Variants in MARCHF1 observed in about 807,000 individuals in gnomAD.
The protein encoded by MARCHF1 is membrane associated ring-CH-type finger 1.
A neutral mutation model predicts 54.2 loss-of-function variants in MARCHF1; 40 were observed. The observed-to-expected ratio is 0.74, with a 90% CI of 0.57 to 0.96. The LOEUF (loss-of-function observed/expected upper bound fraction) is 0.96, where lower values mean the gene tolerates loss of function less well. MARCHF1 is among the 40% of genes least tolerant of loss of function. The probability of loss-of-function intolerance (pLI) is 0.00; values close to 1 mark genes in which losing one functional copy is unlikely to be tolerated. For missense variants in MARCHF1, 586 were observed against 656.5 expected (o/e 0.89, Z 1.17); for synonymous variants, 236 against 236.3 (o/e 1.00, Z 0.01).
intron 1 of MARCHF1, among the ~76,000 whole-genome samples, chr4:164,295,365 T>C (rs540951559): frequency 2.0e-5 from 3 of 152,166 alleles, no homozygotes; most frequent in African/African-American, 7.2e-5. Context: ...CAAGGGCTTT[T>C]AGCTCAAAAT....
intron 1 of MARCHF1, among the ~76,000 whole-genome samples, chr4:164,315,689 T>A (rs1212150593): frequency 6.6e-6 from 1 of 152,142 alleles, no homozygotes; most frequent in Non-Finnish European, 1.5e-5. Context: ...CTCAAGAAAT[T>A]CTGTTTTTCA....
intron 4 of MARCHF1, among the ~76,000 whole-genome samples, chr4:163,822,672 A>G (rs1297002525): frequency 6.6e-6 from 1 of 151,952 alleles, no homozygotes; most frequent in Non-Finnish European, 1.5e-5. Flanking sequence ...ACAGTCATAC[A>G]ATCAAATAGG....
intron 1 of MARCHF1, among the ~76,000 whole-genome samples, chr4:164,143,416 CAG>C (rs1232344103): frequency 1.3e-5 from 2 of 149,506 alleles, no homozygotes. Flanking sequence ...TAAGGGCAGC[CAG>C]AGAGAAAGGT....
chr4:163,683,077 A>T (rs74347486), intron 5 of MARCHF1, among the ~76,000 whole-genome samples: 3,687 of 152,300 alleles, frequency 0.024, 51 homozygotes, highest in Non-Finnish European at 0.036. Flanking sequence ...TCTACTTTGC[A>T]TAGAGGTGCC....
At chr4:163,968,572 A>C (rs1245199874) in intron 3 of MARCHF1, among the ~76,000 whole-genome samples, 1 of 152,094 alleles carries the variant, frequency 6.6e-6, no homozygotes, top group Non-Finnish European at 1.5e-5. Flanking sequence ...ACACCATTAT[A>C]CCTCACCAGT....
chr4:163,543,234 G>A (rs910871652), intron 9 of MARCHF1, among the ~76,000 whole-genome samples: 1 of 152,120 alleles, frequency 6.6e-6, no homozygotes, highest in Non-Finnish European at 1.5e-5. Flanking sequence ...GTCTAGTCAA[G>A]AAGCTTCTGC....
intron 4 of MARCHF1, among the ~76,000 whole-genome samples, chr4:163,701,946 G>A (rs1430028361): frequency 6.6e-6 from 1 of 152,004 alleles, no homozygotes; most frequent in African/African-American, 2.4e-5. Context: ...AACAACCCGT[G>A]GGGCTGAAAT....
chr4:164,369,650 C>T (rs543438309), intron 1 of MARCHF1, among the ~76,000 whole-genome samples: 10 of 152,138 alleles, frequency 6.6e-5, no homozygotes, highest in East Asian at 3.9e-4. Context: ...TATGTACTTA[C>T]GTACTATAAT....
At chr4:163,819,313 C>G in intron 4 of MARCHF1, among the ~76,000 whole-genome samples, 1 of 152,214 alleles carries the variant, frequency 6.6e-6, no homozygotes, top group East Asian at 1.9e-4. Flanking sequence ...TAATAACATA[C>G]TTTGTGATGT....
intron 5 of MARCHF1, among the ~76,000 whole-genome samples, chr4:163,650,572 C>T (rs189805162): frequency 6.6e-4 from 101 of 152,026 alleles, no homozygotes; most frequent in African/African-American, 2.3e-3. Context: ...AGTACATGTA[C>T]TATGTTAGTT....
At chr4:163,754,435 T>C (rs995134781) in intron 4 of MARCHF1, among the ~76,000 whole-genome samples, 4 of 152,156 alleles carry the variant, frequency 2.6e-5, no homozygotes, top group African/African-American at 4.8e-5. Context: ...ACCTATTACA[T>C]AGGGTGAAAT....
chr4:164,147,772 T>C (rs1560927420), intron 1 of MARCHF1, among the ~76,000 whole-genome samples: 1 of 149,434 alleles, frequency 6.7e-6, no homozygotes, highest in Non-Finnish European at 1.5e-5. Context: ...TGTATACAAA[T>C]GTAACTAACC....
At chr4:164,325,468 T>G (rs114152894) in intron 1 of MARCHF1, among the ~76,000 whole-genome samples, 4 of 151,868 alleles carry the variant, frequency 2.6e-5, no homozygotes, top group African/African-American at 9.7e-5. Context: ...AAGTATTAAG[T>G]TGGAACCCTT....
chr4:163,876,182 T>C (rs1268884069), intron 3 of MARCHF1, among the ~76,000 whole-genome samples: 2 of 152,160 alleles, frequency 1.3e-5, no homozygotes, highest in Non-Finnish European at 2.9e-5. Context: ...ATTCAGACTT[T>C]ATTTTCAATA....
At chr4:163,725,266 A>G (rs1053969455) in intron 4 of MARCHF1, among the ~76,000 whole-genome samples, 1 of 152,294 alleles carries the variant, frequency 6.6e-6, no homozygotes, top group Admixed American at 6.5e-5. Context: ...AAGGGGTAAT[A>G]AAAGTAGTGG....
intron 4 of MARCHF1, among the ~76,000 whole-genome samples, chr4:163,785,252 G>A (rs1488967336): frequency 1.3e-5 from 2 of 152,028 alleles, no homozygotes; most frequent in South Asian, 4.1e-4. Context: ...AGAAAAAAAT[G>A]ACACAAATTG....
At chr4:164,017,291 T>C (rs1489029809) in intron 2 of MARCHF1, among the ~76,000 whole-genome samples, 3 of 152,028 alleles carry the variant, frequency 2.0e-5, no homozygotes, top group East Asian at 3.9e-4. Context: ...CTAGTTAATA[T>C]TGAATTAGGG....
chr4:163,834,716 A>C (rs910393043), intron 4 of MARCHF1, among the ~76,000 whole-genome samples: 2 of 150,992 alleles, frequency 1.3e-5, no homozygotes, highest in Non-Finnish European at 2.9e-5. Context: ...CAAACACCGC[A>C]TATTCTCACT....
At chr4:163,934,232 C>A (rs528236624) in intron 3 of MARCHF1, among the ~76,000 whole-genome samples, 22 of 152,172 alleles carry the variant, frequency 1.4e-4, no homozygotes, top group Admixed American at 1.2e-3. Context: ...TATGTAACAG[C>A]AGAGCAACAT....
Sources: gnomAD v4.1 joint callset for allele counts (sites outside exome capture counted in the v4.1 genomes callset) on GRCh38, gnomAD v4.1.1 for gene constraint, MANE v1.5 for transcripts, NCBI Gene and HGNC (gene_info 2026-07-23, HGNC 2026-07-21) for gene names.